Variants in SLC25A26 observed in about 807,000 individuals in gnomAD.
SLC25A26 encodes solute carrier family 25 member 26.
A neutral mutation model predicts 37.8 loss-of-function variants in SLC25A26; 36 were observed. The ratio of observed to expected loss-of-function variants is 0.95; its 90% confidence interval spans 0.73 to 1.26. The LOEUF (loss-of-function observed/expected upper bound fraction) is 1.26, where lower values mean the gene tolerates loss of function less well. Ranked by LOEUF, SLC25A26 falls within the 50% of genes most tolerant of loss-of-function variation. SLC25A26 has a pLI of 0.00. For synonymous variants in SLC25A26, 129 were observed against 122.5 expected, an observed-to-expected ratio of 1.05 and a Z score of -0.35; for missense variants, 390 against 331.1, an observed-to-expected ratio of 1.18 and a Z score of -1.38.
chr3:66,312,536 A>C (rs1275713355), intron 5 of SLC25A26, among the ~76,000 whole-genome samples: 1 of 151,656 alleles, frequency 6.6e-6, no homozygotes, highest in Non-Finnish European at 1.5e-5. Flanking sequence ...GTACGAAGAA[A>C]AAAAAGAAAC....
intron 1 of SLC25A26, among the ~76,000 whole-genome samples, chr3:66,230,577 G>A (rs1228661319): frequency 6.6e-6 from 1 of 151,924 alleles, no homozygotes; most frequent in Non-Finnish European, 1.5e-5. Context: ...GCTGAGGTGG[G>A]CGGATCACCT....
At chr3:66,294,893 T>A (rs1010999496) in intron 5 of SLC25A26, among the ~76,000 whole-genome samples, 1 of 152,196 alleles carries the variant, frequency 6.6e-6, no homozygotes, top group African/African-American at 2.4e-5. Context: ...TGGCTCTTAG[T>A]TGTAGGATTA....
In SLC25A26 at chr3:66,139,988, G is replaced by A. The variant is rs1424851846; in HGVS notation, c.-354+6004G>A. Among the ~76,000 whole-genome samples the A allele has an allele frequency of 6.6e-5, 10 of 152,232 alleles. No individual in the cohort carries two copies. The East Asian group carries it at 1.7e-3, about 26-fold the overall frequency. On this transcript the variant is annotated intron_variant, in intron 1 of 10. Coordinates refer to the SLC25A26 transcript ENST00000676754. ...GACAAAAAACCCAAAAACCTCATTC[G>A]TTTAAGCACATCAAGAAAGGTAATT... is the stretch of plus-strand genomic sequence containing the variant.
chr3:66,159,970 G>C lies in SLC25A26; in HGVS notation c.-354+25986G>C, dbSNP rs368359241. 5.9e-5 allele frequency among the ~76,000 whole-genome samples: 9 copies of C among 152,172 alleles called. No homozygotes were observed. In the East Asian group the frequency reaches 1.4e-3, roughly 23 times the overall value. ...CCCTGATTCGCTCAACTCTAAGAAA[G>C]ACCTGCGCTGCATTAATAAAATACT... is the stretch of plus-strand genomic sequence containing the variant. On this transcript the variant is annotated intron_variant, in intron 1 of 10. Transcript: ENST00000676754.
At chr3:66,266,267 GAGAAAAATA>G (rs2073745942) in intron 5 of SLC25A26, among the ~76,000 whole-genome samples, 1 of 152,162 alleles carries the variant, frequency 6.6e-6, no homozygotes, top group African/African-American at 2.4e-5. Flanking sequence ...TTCTCAAAAT[GAGAAAAATA>G]AGAAGTGATA....
chr3:66,158,331 C>T (rs768251401), intron 1 of SLC25A26, among the ~76,000 whole-genome samples: 9 of 152,108 alleles, frequency 5.9e-5, no homozygotes, highest in Non-Finnish European at 8.8e-5. Context: ...TGCATATACA[C>T]CATTTTATTT....
chr3:66,295,405 G>GT (rs10672736), intron 5 of SLC25A26, among the ~76,000 whole-genome samples: 20,479 of 120,920 alleles, frequency 0.17, 2,135 homozygotes, highest in Non-Finnish European at 0.23. Flanking sequence ...TTGTATTTTT[G>GT]TTTTTTTTTT....
chr3:66,296,272 C>G (rs1454735495), intron 5 of SLC25A26, among the ~76,000 whole-genome samples: 1 of 152,152 alleles, frequency 6.6e-6, no homozygotes, highest in African/African-American at 2.4e-5. Flanking sequence ...ATTTTTCACT[C>G]TAGTTGTTTT....
At chr3:66,363,752 T>G (rs1299611192) in intron 7 of SLC25A26, among the ~76,000 whole-genome samples, 1 of 152,228 alleles carries the variant, frequency 6.6e-6, no homozygotes, top group Non-Finnish European at 1.5e-5. Context: ...TTTTGCAATT[T>G]GTTTAATGGT....
At chr3:66,209,008 G>GTATA (rs1161070197) in intron 1 of SLC25A26, among the ~76,000 whole-genome samples, 1 of 63,262 alleles carries the variant, frequency 1.6e-5, no homozygotes, top group East Asian at 4.4e-4. Context: ...CCATATAAAG[G>GTATA]TATATATATA....
chr3:66,243,321 C>G lies in SLC25A26; in HGVS notation c.300+9C>G. 6.9e-7 allele frequency: 1 copy of G among 1,452,202 alleles called. No individual in the cohort carries two copies. Among genetic ancestry groups the G allele is most frequent in the South Asian group, 1.2e-5 (1 of 84,656 alleles). 90.0% of individuals were successfully genotyped at this position (1,452,202 alleles called of 1,614,324 possible). ...CCTCTGCTGGAGAAGTGGTAAGTAA[C>G]AAGTTTTGTGTATAAAATACTTCAG... On this transcript the variant is annotated intron_variant, in intron 3 of 9. Transcript: ENST00000354883.
chr3:66,299,241 G>GA (rs1197178484), intron 5 of SLC25A26, among the ~76,000 whole-genome samples: 6 of 152,124 alleles, frequency 3.9e-5, no homozygotes, highest in Non-Finnish European at 8.8e-5. Flanking sequence ...ACCCAGGCTG[G>GA]AGTGCAGTGG....
chr3:66,327,125 A>G (rs535850478), intron 5 of SLC25A26, among the ~76,000 whole-genome samples: 12 of 152,200 alleles, frequency 7.9e-5, no homozygotes, highest in Non-Finnish European at 1.3e-4. Context: ...AGCATTGGCA[A>G]CAGGTTGAGT....
intron 1 of SLC25A26, among the ~76,000 whole-genome samples, chr3:66,224,033 A>G (rs1423755849): frequency 6.6e-6 from 1 of 152,226 alleles, no homozygotes; most frequent in Non-Finnish European, 1.5e-5. Flanking sequence ...AGCCATAAAA[A>G]ATAGTGCTTG....
chr3:66,206,542 G>A (rs1396839606), intron 1 of SLC25A26, among the ~76,000 whole-genome samples: 2 of 152,150 alleles, frequency 1.3e-5, no homozygotes, highest in Non-Finnish European at 2.9e-5. Flanking sequence ...CTGCAAGGCT[G>A]TACATACTGT....
intron 4 of SLC25A26, among the ~76,000 whole-genome samples, chr3:66,262,724 A>G (rs2073579253): frequency 6.6e-6 from 1 of 152,172 alleles, no homozygotes; most frequent in Admixed American, 6.5e-5. Context: ...TAGAAAAGTT[A>G]TTTGTAATGG....
chr3:66,261,996 T>G, intron 3 of SLC25A26, 55 bp from the exon 4 acceptor site: 3 of 1,105,318 alleles, frequency 2.7e-6, no homozygotes, highest in Non-Finnish European at 2.6e-6. Flanking sequence ...CCAAAAAATT[T>G]CAATTTTTAT....
chr3:66,225,593 C>T (rs1217581246), intron 1 of SLC25A26, among the ~76,000 whole-genome samples: 1 of 152,204 alleles, frequency 6.6e-6, no homozygotes, highest in South Asian at 2.1e-4. Context: ...TGTCAGTTAA[C>T]ATTTGACTCC....
Position 66,265,156 on chromosome 3 carries a change from C to T in SLC25A26, c.453+1777C>T, listed in dbSNP as rs185710726. On this transcript the variant is annotated intron_variant, in intron 5 of 9. Coordinates refer to ENST00000354883, the MANE Select transcript of SLC25A26 (RefSeq NM_001379210.1). ...TGTGAGACCCTGTCTCTATAACATA[C>T]GAAAACTAGCTGGGCATGGTGGTGC... 1.3e-5 allele frequency among the ~76,000 whole-genome samples: 2 copies of T among 151,766 alleles called. 1 individual carries two copies. Among genetic ancestry groups the T allele is most frequent in the African/African-American group, 4.8e-5 (2 of 41,382 alleles).
Sources: allele counts gnomAD v4.1 joint callset (sites outside exome capture counted in the v4.1 genomes callset), GRCh38; gene constraint gnomAD v4.1.1; transcripts MANE v1.5; gene names NCBI Gene and HGNC (gene_info 2026-07-23, HGNC 2026-07-21).